Variants in ITGAE observed in about 807,000 individuals in gnomAD.
ITGAE encodes the protein integrin alpha-E.
A neutral mutation model predicts 136.5 loss-of-function variants in ITGAE; 99 were observed. The observed-to-expected ratio is 0.73, with a 90% CI of 0.62 to 0.86. The LOEUF is 0.86. Among genes scored for constraint, ITGAE ranks in the 40% least tolerant of loss-of-function variants. ITGAE has a pLI of 0.00. For missense variants in ITGAE, 1,447 were observed against 1,515.3 expected (o/e 0.95, Z 0.75); for synonymous variants, 613 against 591.8 (o/e 1.04, Z -0.52).
chr17:3,760,943 C>T, intron 6 of ITGAE, 70 bp downstream of exon 6: 1 of 1,542,366 alleles, frequency 6.5e-7, no homozygotes. Context: ...GCACCCCTCA[C>T]CCTTGGAGGC....
rs1222270822 is a variant in ITGAE, at chr17:3,715,003, C to A, written c.3445-61G>T. 7.9e-6 allele frequency: 8 copies of A among 1,018,966 alleles called. No individual in the cohort carries two copies. The Admixed American group carries it at 1.5e-4, about 19-fold the overall frequency. The allele number at this position is 1,018,966 out of a possible 1,614,324, so 63.1% of individuals were successfully genotyped here. On this transcript the variant is annotated intron_variant, in intron 30 of 30. Transcript: ENST00000263087. ...AAAGATAGCCATCTGTTTCAGAAAA[C>A]CGGCATTCTGGCTGTTGCCTAAATA...
intron 21 of ITGAE, 46 bp downstream of exon 21, chr17:3,734,771 G>T (rs1167001959): frequency 6.2e-7 from 1 of 1,610,816 alleles, no homozygotes; most frequent in African/African-American, 1.3e-5. Context: ...CATGCAGCGA[G>T]GGAGGGGCGT....
chr17:3,741,068 G>GT lies in ITGAE; in HGVS notation c.2449-1191dup, dbSNP rs1447955211. Among the ~76,000 whole-genome samples, 631 of 110,144 alleles carry GT rather than the reference G, an allele frequency of 5.7e-3. 12 individuals are homozygous for GT. The highest frequency in any genetic ancestry group is 0.018 in the African/African-American group (525 of 29,754). The allele number at this position is 110,144 out of a possible 152,430, so 72.3% of individuals were successfully genotyped here. A position where few individuals can be genotyped will look rare whatever the true frequency, so the allele number is the denominator to read the frequency against. On this transcript the variant is annotated intron_variant, in intron 19 of 30. Coordinates refer to ENST00000263087, the MANE Select transcript of ITGAE (RefSeq NM_002208.5). Reference sequence around the variant, plus strand: ...ACAGTTTCATGCAGGGTTTTTTGTTGTATTTTTTTTTTTTTTTTTTTTTTT... The same window carrying GT: ...ACAGTTTCATGCAGGGTTTTTTGTTGTTATTTTTTTTTTTTTTTTTTTTTTT...
At chr17:3,732,503 A>C (rs1274375193) in intron 21 of ITGAE, 37 bp from the exon 22 acceptor site, 1 of 1,521,958 alleles carries the variant, frequency 6.6e-7, no homozygotes, top group African/African-American at 1.4e-5. Context: ...TTAAAGAGCC[A>C]AACAAAACAA....
intron 30 of ITGAE, among the ~76,000 whole-genome samples, chr17:3,715,516 G>A (rs1035026305): frequency 2.0e-5 from 3 of 152,248 alleles, no homozygotes; most frequent in Middle Eastern, 3.4e-3. Flanking sequence ...AGCAGCCTAC[G>A]CGTACGCAGA....
intron 1 of ITGAE, among the ~76,000 whole-genome samples, chr17:3,795,582 T>C (rs760465893): frequency 2.0e-5 from 3 of 152,172 alleles, no homozygotes; most frequent in Non-Finnish European, 2.9e-5. Flanking sequence ...TCAAAGCCTT[T>C]AGTAATAGCT....
At chr17:3,732,571 G>T in intron 21 of ITGAE, 105 bp from the exon 22 acceptor site, 1 of 904,752 alleles carries the variant, frequency 1.1e-6, no homozygotes, top group Non-Finnish European at 1.8e-6. Context: ...TTTTCTGCCT[G>T]TCAGACACCC....
chr17:3,786,104 T>C (rs1363690749), intron 1 of ITGAE, among the ~76,000 whole-genome samples: 5 of 150,198 alleles, frequency 3.3e-5, no homozygotes, highest in African/African-American at 1.2e-4. Context: ...GAGGCGGAGC[T>C]TGCAGTGAGC....
At chr17:3,743,705 C>CA (rs2143015538) in intron 18 of ITGAE, 88 bp from the exon 19 acceptor site, 2 of 934,256 alleles carry the variant, frequency 2.1e-6, no homozygotes, top group South Asian at 1.7e-5. Context: ...TTCTTTTTTT[C>CA]TTTTTTTTTT....
chr17:3,783,622 G>C (rs1445010970), intron 1 of ITGAE, among the ~76,000 whole-genome samples: 1 of 152,210 alleles, frequency 6.6e-6, no homozygotes, highest in African/African-American at 2.4e-5. Flanking sequence ...TCTTTGGTTG[G>C]CTGGAATGCA....
rs1189018376 is a variant in ITGAE, at chr17:3,716,674, T to C, written c.3444+14A>G. The C allele has an allele frequency of 6.9e-7, 1 of 1,449,528 alleles. No individual in the cohort carries two copies. Among genetic ancestry groups the C allele is most frequent in the Non-Finnish European group, 9.7e-7 (1 of 1,030,712 alleles). 89.8% of individuals were successfully genotyped at this position (1,449,528 alleles called of 1,614,324 possible). A position where few individuals can be genotyped will look rare whatever the true frequency, so the allele number is the denominator to read the frequency against. On this transcript the variant is annotated intron_variant, in intron 30 of 30. Transcript: ENST00000263087. ...CCAGTCTTCCCTCACTGTGATGCCA[T>C]GAGTAGAACTGACCTTGAACAGGAT... is the stretch of plus-strand genomic sequence containing the variant.
Position 3,739,813 on chromosome 17 carries a change from G to A in ITGAE, c.2514C>T (p.Thr838=), listed in dbSNP as rs1333308542. 1.9e-6 allele frequency: 3 copies of A among 1,613,988 alleles called. No homozygotes were observed. Among genetic ancestry groups the A allele is most frequent in the South Asian group, 1.1e-5 (1 of 91,082 alleles). Residue 838 remains threonine (T), a synonymous_variant, in exon 20 of 31, where the codon ACC becomes ACT. Coordinates refer to ENST00000263087, the MANE Select transcript of ITGAE (RefSeq NM_002208.5). ...GGCTATGTCCAACTCACTGAGAGAC[G>A]GTGGTGGCCAACTGTAATTCTGCGA... is the stretch of plus-strand genomic sequence containing the variant. ...FCVAELQLAT[T]VSQQELVVGL... is the part of the protein sequence containing the mutation.
In ITGAE at chr17:3,775,084, C is replaced by T. The variant is rs564110249; in HGVS notation, c.155+2456G>A. Among the ~76,000 whole-genome samples the T allele has an allele frequency of 5.9e-5, 9 of 152,164 alleles. No individual in the cohort carries two copies. In the East Asian group the frequency reaches 7.8e-4, roughly 13 times the overall value. On this transcript the variant is annotated intron_variant, in intron 2 of 30. Coordinates refer to ENST00000263087, the MANE Select transcript of ITGAE (RefSeq NM_002208.5). ...CACTTCAGCCTCCCAATAGCTGGGACGGACTACAGGCTTAAACCACCATAT... is the reference window on the plus strand; with the variant it reads ...CACTTCAGCCTCCCAATAGCTGGGATGGACTACAGGCTTAAACCACCATAT...
chr17:3,734,449 G>A (rs1036899574), intron 21 of ITGAE, among the ~76,000 whole-genome samples: 4 of 152,190 alleles, frequency 2.6e-5, no homozygotes, highest in African/African-American at 4.8e-5. Context: ...GGGTGTCCTC[G>A]GGAAACAGAC....
intron 9 of ITGAE, 105 bp from the exon 10 acceptor site, chr17:3,757,239 T>A: frequency 7.6e-7 from 1 of 1,320,644 alleles, no homozygotes; most frequent in South Asian, 1.4e-5. Context: ...CCATTACCTG[T>A]CTCCTTCCTT....
In ITGAE at chr17:3,798,033, T is replaced by C. The variant is rs1372375910; in HGVS notation, c.34+3078A>G. On this transcript the variant is annotated intron_variant, in intron 1 of 30. Coordinates refer to ENST00000263087, the MANE Select transcript of ITGAE (RefSeq NM_002208.5). The surrounding 1 kb of genome is among the most constrained non-coding windows in gnomAD (Gnocchi z 4.3). The stretch of plus-strand genomic sequence containing the variant: ...ACCTCCACCGTGGGCCTCTCGGGAC[T>C]GGATGCCCGCATTCCTCCACTTATA... 1.3e-5 allele frequency among the ~76,000 whole-genome samples: 2 copies of C among 152,190 alleles called. No homozygotes were observed.
At chr17:3,755,387 G>T in intron 11 of ITGAE, 126 bp from the exon 12 acceptor site, 1 of 1,124,678 alleles carries the variant, frequency 8.9e-7, no homozygotes, top group Non-Finnish European at 1.2e-6. Context: ...GTGGTCTAGT[G>T]CCCGCCTGGC....
In ITGAE at chr17:3,727,982, A is replaced by C. The variant is rs771034422; in HGVS notation, c.3021T>G (p.Ile1007Met). ...NLFGAEYQLQ[I>M]CVPTKLRGLQ... ...GACCTCGTAATTTGGTTGGGACGCA[A>C]ATTTGCAACTGGTATTCTGCTCCAA... Residue 1007 changes from isoleucine to methionine, a missense_variant, in exon 26 of 31, where the codon ATT becomes ATG. Physicochemically the swap from Ile to Met is conservative, Grantham distance 10. Coordinates refer to ENST00000263087, the MANE Select transcript of ITGAE (RefSeq NM_002208.5). 6.2e-7 allele frequency: 1 copy of C among 1,613,980 alleles called. No homozygotes were observed. The highest frequency in any genetic ancestry group is 8.5e-7 in the Non-Finnish European group (1 of 1,179,980).
In ITGAE at chr17:3,745,995, C is replaced by A; in HGVS notation, c.2156-68G>T. ...CCAGCCGCAGACAGAAGGCCCCCAG[C>A]CTGCCTGAGGTTCCTTGTGGCCCCT... On this transcript the variant is annotated intron_variant, in intron 17 of 30. Coordinates refer to ENST00000263087, the MANE Select transcript of ITGAE (RefSeq NM_002208.5). 6 of 1,474,788 alleles carry A rather than the reference C, an allele frequency of 4.1e-6. No individual in the cohort carries two copies. The South Asian group carries it at 7.5e-5, about 18-fold the overall frequency. 91.4% of individuals were successfully genotyped at this position (1,474,788 alleles called of 1,614,324 possible).
Sources: allele counts gnomAD v4.1 joint callset (sites outside exome capture counted in the v4.1 genomes callset), GRCh38; gene constraint gnomAD v4.1.1; non-coding constraint Gnocchi (gnomAD v3.1); transcripts MANE v1.5; gene names NCBI Gene and HGNC (gene_info 2026-07-23, HGNC 2026-07-21).